Variants in AMPH observed in about 807,000 individuals in gnomAD.
The protein encoded by AMPH is amphiphysin.
AMPH carries 49 observed loss-of-function variants against 99.1 expected under a neutral mutation model. The ratio of observed to expected loss-of-function variants is 0.49; its 90% CI spans 0.39 to 0.63. The LOEUF (loss-of-function observed/expected upper bound fraction) is 0.63, where lower values mean the gene tolerates loss of function less well. Ranked by LOEUF, AMPH falls within the 20% of genes least tolerant of loss-of-function variation. AMPH has a pLI of 0.00. For synonymous variants in AMPH, 314 were observed against 317.3 expected, an observed-to-expected ratio of 0.99 and a Z score of 0.11; for missense variants, 759 against 863.4, an observed-to-expected ratio of 0.88 and a Z score of 1.52.
chr7:38,503,343 C>T (rs1470521426), intron 3 of AMPH, among the ~76,000 whole-genome samples: 1 of 152,160 alleles, frequency 6.6e-6, no homozygotes, highest in Non-Finnish European at 1.5e-5. Context: ...AAGCCGGCTG[C>T]AGCTTTTCTT....
In AMPH at chr7:38,417,170, G is replaced by A. The variant is rs150733076; in HGVS notation, c.1398+655C>T. ...GGTATTACAATGTCCAATTCTACTT[G>A]GTACATATCAGAGCTCAGCCCAGTT... is the stretch of plus-strand genomic sequence containing the variant. On this transcript the variant is annotated intron_variant, in intron 17 of 20. Transcript: ENST00000356264. Among the ~76,000 whole-genome samples, 7 of 152,198 alleles carry A rather than the reference G, an allele frequency of 4.6e-5. No individual in the cohort carries two copies. The East Asian group carries it at 1.4e-3, about 29-fold the overall frequency.
At chr7:38,616,835 A>G (rs1793889277) in intron 1 of AMPH, among the ~76,000 whole-genome samples, 1 of 152,200 alleles carries the variant, frequency 6.6e-6, no homozygotes, top group African/African-American at 2.4e-5. Context: ...ACCTGGTAGT[A>G]GGAAGTGAGC....
chr7:38,599,775 A>T (rs1793182307), intron 1 of AMPH, among the ~76,000 whole-genome samples: 1 of 92,650 alleles, frequency 1.1e-5, no homozygotes, highest in South Asian at 3.0e-4. Context: ...ATATTTTATC[A>T]TTAATATTAA....
chr7:38,465,459 G>C lies in AMPH; in HGVS notation c.749+8C>G. On this transcript the variant is annotated splice_region_variant and intron_variant, in intron 9 of 20. Transcript: ENST00000356264. ...ACATTACAGGTGCTCCAATGAGCAGGGGCCTACCTGGGCGCTCCTTGGATG... is the reference window on the plus strand; with the variant it reads ...ACATTACAGGTGCTCCAATGAGCAGCGGCCTACCTGGGCGCTCCTTGGATG... 6.4e-7 allele frequency: 1 copy of C among 1,567,110 alleles called. No homozygotes were observed. The highest frequency in any genetic ancestry group is 2.3e-5 in the East Asian group (1 of 43,124).
intron 7 of AMPH, among the ~76,000 whole-genome samples, chr7:38,468,160 T>C (rs922427945): frequency 2.0e-5 from 3 of 152,180 alleles, no homozygotes; most frequent in Non-Finnish European, 2.9e-5. Flanking sequence ...GGGCCACTTA[T>C]AGTCCCTTAC....
intron 1 of AMPH, among the ~76,000 whole-genome samples, chr7:38,570,401 C>A (rs1285913319): frequency 6.6e-6 from 1 of 152,054 alleles, no homozygotes; most frequent in Admixed American, 6.6e-5. Context: ...CAGTCATGAG[C>A]CGCATAATAA....
chr7:38,487,408 A>G (rs1486785810), intron 5 of AMPH, among the ~76,000 whole-genome samples: 1 of 152,208 alleles, frequency 6.6e-6, no homozygotes, highest in Non-Finnish European at 1.5e-5. Flanking sequence ...ATCTGACAAA[A>G]ACAAGCAATG....
rs1054589992 is a variant in AMPH at position 38,383,721 on chromosome 7, G to A, written c.*1097C>T. 6.8e-6 allele frequency: 1 copy of A among 147,394 alleles called. No individual in the cohort carries two copies. Among genetic ancestry groups the A allele is most frequent in the African/African-American group, 2.5e-5 (1 of 40,034 alleles). The allele number at this position is 147,394 out of a possible 1,614,324, so 9.1% of individuals were successfully genotyped here. A position where few individuals can be genotyped will look rare whatever the true frequency, so the allele number is the denominator to read the frequency against. On this transcript the variant is annotated 3_prime_UTR_variant, in exon 21 of 21. Transcript: ENST00000356264. Reference sequence around the variant, plus strand: ...AAAAGGAATTAGGGTAATCGTTGAAGATTACCAAAGGTTTATTTGGAATGA... The same window carrying A: ...AAAAGGAATTAGGGTAATCGTTGAAAATTACCAAAGGTTTATTTGGAATGA...
At chr7:38,548,180 C>T (rs749262359) in intron 1 of AMPH, among the ~76,000 whole-genome samples, 2 of 152,032 alleles carry the variant, frequency 1.3e-5, no homozygotes, top group Non-Finnish European at 2.9e-5. Flanking sequence ...AGGTGCCCAC[C>T]ACCACACCCG....
intron 11 of AMPH, among the ~76,000 whole-genome samples, chr7:38,451,036 A>T (rs548868448): frequency 7.9e-5 from 12 of 151,146 alleles, no homozygotes; most frequent in African/African-American, 2.9e-4. Flanking sequence ...GGGACTACAG[A>T]CACATACTGC....
intron 13 of AMPH, among the ~76,000 whole-genome samples, chr7:38,431,358 A>T (rs34454046): frequency 0.34 from 51,762 of 152,048 alleles, 9,743 homozygotes; most frequent in Non-Finnish European, 0.43. Flanking sequence ...ATGCTTAGAG[A>T]GTTTTAGAAA....
intron 1 of AMPH, among the ~76,000 whole-genome samples, chr7:38,544,856 T>A (rs567407628): frequency 6.6e-6 from 1 of 152,222 alleles, no homozygotes; most frequent in Non-Finnish European, 1.5e-5. Flanking sequence ...CACTTTAAGT[T>A]GCAATATCAA....
intron 2 of AMPH, among the ~76,000 whole-genome samples, chr7:38,533,863 C>T (rs1438845115): frequency 3.9e-5 from 6 of 152,138 alleles, no homozygotes; most frequent in East Asian, 1.9e-4. Context: ...TAACCTCAGA[C>T]GGCCCCACTC....
intron 17 of AMPH, among the ~76,000 whole-genome samples, chr7:38,403,409 G>A (rs1015475274): frequency 6.6e-6 from 1 of 152,174 alleles, no homozygotes; most frequent in Non-Finnish European, 1.5e-5. Flanking sequence ...ACTTCCTGAG[G>A]ACAGAGCAGC....
chr7:38,546,264 A>C (rs1418304927), intron 1 of AMPH, among the ~76,000 whole-genome samples: 1 of 152,252 alleles, frequency 6.6e-6, no homozygotes, highest in Non-Finnish European at 1.5e-5. Context: ...CCAGCAGAAC[A>C]GGCAATCAAC....
At chr7:38,464,606 T>C (rs1437094645) in intron 9 of AMPH, among the ~76,000 whole-genome samples, 2 of 152,130 alleles carry the variant, frequency 1.3e-5, no homozygotes, top group Non-Finnish European at 2.9e-5. Flanking sequence ...ATGGCAAATA[T>C]AGAATGTCAG....
At chr7:38,612,084 C>CTTTTTTTTTTTTTTTTTT (rs777855014) in intron 1 of AMPH, among the ~76,000 whole-genome samples, 4 of 90,892 alleles carry the variant, frequency 4.4e-5, no homozygotes, top group Non-Finnish European at 6.4e-5. Context: ...TTTTTGTCTT[C>CTTTTTTTTTTTTTTTTTT]TTCTTTTTTT....
In AMPH at chr7:38,464,015, G is replaced by A. The variant is rs117698478; in HGVS notation, c.750-902C>T. The stretch of plus-strand genomic sequence containing the variant: ...ACATGCCACATGATTGGGGTCATAT[G>A]CCAGCAATCATGGCCTCAGATGGAA... On this transcript the variant is annotated intron_variant, in intron 9 of 20. Transcript: ENST00000356264. 2.5e-5 allele frequency: 31 copies of A among 1,264,922 alleles called. No individual in the cohort carries two copies. In the East Asian group the frequency reaches 5.6e-4, roughly 23 times the overall value. The allele number at this position is 1,264,922 out of a possible 1,614,324, so 78.4% of individuals were successfully genotyped here. A position where few individuals can be genotyped will look rare whatever the true frequency, so the allele number is the denominator to read the frequency against.
At chr7:38,523,051 T>C (rs1790031539) in intron 2 of AMPH, among the ~76,000 whole-genome samples, 1 of 148,890 alleles carries the variant, frequency 6.7e-6, no homozygotes, top group African/African-American at 2.5e-5. Flanking sequence ...GAGGTTGCAG[T>C]GAGTGGCGAT....
Sources: gnomAD v4.1 joint callset for allele counts (sites outside exome capture counted in the v4.1 genomes callset) on GRCh38, gnomAD v4.1.1 for gene constraint, MANE v1.5 for transcripts, NCBI Gene and HGNC (gene_info 2026-07-23, HGNC 2026-07-21) for gene names.